UBR3: variants seen among roughly 807,000 people sequenced by gnomAD.
The protein encoded by UBR3 is ubiquitin protein ligase E3 component n-recognin 3, also known as E3 ubiquitin-protein ligase UBR3.
In UBR3, 85 loss-of-function variants were observed where a neutral mutation model predicts 243.2. The ratio of observed to expected loss-of-function variants is 0.35; its 90% CI spans 0.29 to 0.42. UBR3 has a LOEUF of 0.42. UBR3 is among the 10% of genes least tolerant of loss of function. The pLI, the probability that UBR3 is intolerant of heterozygous loss-of-function variation, is 1.00. For missense variants in UBR3, 1,686 were observed against 2,300.8 expected, an observed-to-expected ratio of 0.73 and a Z score of 5.47; for synonymous variants, 748 against 799.8, an observed-to-expected ratio of 0.94 and a Z score of 1.09.
chr2:170,063,822 C>G (rs2091499782), intron 35 of UBR3, among the ~76,000 whole-genome samples: 1 of 152,142 alleles, frequency 6.6e-6, no homozygotes, highest in Non-Finnish European at 1.5e-5. Context: ...TGCTATGAAC[C>G]TAATATGTTG....
intron 31 of UBR3, among the ~76,000 whole-genome samples, chr2:170,035,310 G>A (rs925941384): frequency 6.6e-6 from 1 of 151,840 alleles, no homozygotes; most frequent in Non-Finnish European, 1.5e-5. Flanking sequence ...TTACATTTAG[G>A]TCTGTAATCC....
At chr2:169,852,598 T>G (rs1309495919) in intron 1 of UBR3, among the ~76,000 whole-genome samples, 3 of 151,930 alleles carry the variant, frequency 2.0e-5, no homozygotes. Context: ...ATCCCAGCAC[T>G]TTGGGAGGCC....
At chr2:169,851,331 C>A (rs2082649727) in intron 1 of UBR3, among the ~76,000 whole-genome samples, 1 of 152,098 alleles carries the variant, frequency 6.6e-6, no homozygotes, top group African/African-American at 2.4e-5. Context: ...TACCATGTTG[C>A]CTAGATTGGT....
At chr2:169,895,376 CT>C (rs146041733) in intron 7 of UBR3, 65 bp downstream of exon 7, 2 of 1,459,716 alleles carry the variant, frequency 1.4e-6, no homozygotes, top group Middle Eastern at 1.8e-4. Flanking sequence ...ATTATTAAAT[CT>C]TTTTTTGATA....
At chr2:170,026,354 AATTT>A (rs931788369) in intron 30 of UBR3, among the ~76,000 whole-genome samples, 4 of 152,060 alleles carry the variant, frequency 2.6e-5, no homozygotes, top group African/African-American at 9.7e-5. Context: ...ATAAATATTA[AATTT>A]ATTTCATATT....
chr2:170,050,024 A>G (rs1377013275), intron 32 of UBR3, among the ~76,000 whole-genome samples: 3 of 152,308 alleles, frequency 2.0e-5, no homozygotes, highest in Non-Finnish European at 4.4e-5. Flanking sequence ...GAATGTTGGC[A>G]GTTTATTGGA....
At chr2:169,890,565 G>GTGTATATATATA (rs1559064208) in intron 5 of UBR3, among the ~76,000 whole-genome samples, 23 of 71,166 alleles carry the variant, frequency 3.2e-4, no homozygotes, top group Non-Finnish European at 4.1e-4. Flanking sequence ...ATATATATAT[G>GTGTATATATATA]TGTATATATA....
intron 8 of UBR3, among the ~76,000 whole-genome samples, chr2:169,897,359 A>G (rs546790154): frequency 6.6e-6 from 1 of 152,238 alleles, no homozygotes; most frequent in South Asian, 2.1e-4. Flanking sequence ...TCAACCTGCC[A>G]TAATGTTTCT....
At chr2:169,990,724 CA>C (rs2089235531) in intron 25 of UBR3, among the ~76,000 whole-genome samples, 1 of 129,570 alleles carries the variant, frequency 7.7e-6, no homozygotes, top group South Asian at 2.4e-4. Flanking sequence ...TATACACACA[CA>C]CACACACACA....
chr2:170,075,071 A>T (rs995346429), intron 36 of UBR3, among the ~76,000 whole-genome samples: 1 of 152,212 alleles, frequency 6.6e-6, no homozygotes, highest in Non-Finnish European at 1.5e-5. Context: ...GTGTCAGACT[A>T]GGTTTCATTT....
In UBR3 at chr2:169,946,412, T is replaced by A; in HGVS notation, c.2910+20T>A. The A allele has an allele frequency of 1.4e-6, 2 of 1,408,052 alleles. No homozygotes were observed. The highest frequency in any genetic ancestry group is 1.5e-5 in the South Asian group (1 of 67,350). 87.2% of individuals were successfully genotyped at this position (1,408,052 alleles called of 1,614,324 possible). A position where few individuals can be genotyped will look rare whatever the true frequency, so the allele number is the denominator to read the frequency against. ...GAAGAGGTAAGTAGTTTTTATAATT[T>A]AAAATTTTTAGATAGGCAGCCCCTA... On this transcript the variant is annotated intron_variant, in intron 21 of 38. Coordinates refer to ENST00000272793, the MANE Select transcript of UBR3 (RefSeq NM_172070.4).
At chr2:169,833,228 C>G (rs532273241) in intron 1 of UBR3, among the ~76,000 whole-genome samples, 12 of 152,278 alleles carry the variant, frequency 7.9e-5, no homozygotes, top group African/African-American at 2.9e-4. Flanking sequence ...CAAGGGTCAA[C>G]TGTAATGTCT....
In UBR3 at chr2:170,029,363, T is replaced by C. The variant is rs969703727; in HGVS notation, c.4471T>C (p.Leu1491=). ...TTTTTCAGATCAGCTGTTTCATGTA[T>C]TAGCCTTGCACATGCGGCTTTATAG... is the stretch of plus-strand genomic sequence containing the variant. The part of the protein sequence containing the change: ...RSCLNQLFHV[L]ALHMRLYSID... Residue 1491 remains leucine, a synonymous_variant, in exon 31 of 39, where the codon TTA becomes CTA. Coordinates refer to ENST00000272793, the MANE Select transcript of UBR3 (RefSeq NM_172070.4). 1.2e-6 allele frequency: 2 copies of C among 1,608,624 alleles called. No individual in the cohort carries two copies. Among genetic ancestry groups the C allele is most frequent in the African/African-American group, 2.7e-5 (2 of 74,596 alleles).
intron 1 of UBR3, among the ~76,000 whole-genome samples, chr2:169,854,170 A>G (rs2082759283): frequency 1.3e-5 from 2 of 152,216 alleles, no homozygotes; most frequent in South Asian, 4.1e-4. Context: ...CATGTATCCC[A>G]GAATTTAAAG....
chr2:170,011,775 A>G (rs1311580657), intron 29 of UBR3, among the ~76,000 whole-genome samples: 1 of 152,066 alleles, frequency 6.6e-6, no homozygotes, highest in Non-Finnish European at 1.5e-5. Context: ...AATTAATCAA[A>G]ATCATTACAT....
rs1311168441 is a variant in UBR3 at position 169,891,082 on chromosome 2, TTAATG to T, written c.1039-78_1039-74del. On this transcript the variant is annotated intron_variant, in intron 5 of 38. Coordinates refer to ENST00000272793, the MANE Select transcript of UBR3 (RefSeq NM_172070.4). ...ATGTAAGCATGCATATATTATGTGT[TTAATG>T]TAATTTGTAAGCACATTTATAAAGT... The T allele has an allele frequency of 1.3e-5, 13 of 1,025,484 alleles. No individual in the cohort carries two copies. The Middle Eastern group carries it at 6.9e-4, about 55-fold the overall frequency. The allele number at this position is 1,025,484 out of a possible 1,614,324, so 63.5% of individuals were successfully genotyped here.
intron 1 of UBR3, among the ~76,000 whole-genome samples, chr2:169,865,388 C>G (rs1020211697): frequency 6.6e-6 from 1 of 152,154 alleles, no homozygotes; most frequent in Non-Finnish European, 1.5e-5. Flanking sequence ...ATTACATCCA[C>G]TTTGGACAGT....
At chr2:169,939,044 C>A (rs2086461500) in intron 19 of UBR3, among the ~76,000 whole-genome samples, 1 of 151,394 alleles carries the variant, frequency 6.6e-6, no homozygotes, top group Non-Finnish European at 1.5e-5. Flanking sequence ...TCTAAGAAAT[C>A]TTTATTTTAC....
chr2:170,024,883 G>A lies in UBR3; in HGVS notation c.4454-4463G>A, dbSNP rs141299131. ...AAATAGAATTTATCCCAGGTGAGTT[G>A]TCGCATGGGAACCAGCATGGGAAGA... On this transcript the variant is annotated intron_variant, in intron 30 of 38. Coordinates refer to ENST00000272793, the MANE Select transcript of UBR3 (RefSeq NM_172070.4). Among the ~76,000 whole-genome samples, 30 of 152,272 alleles carry A rather than the reference G, an allele frequency of 2.0e-4. 1 individual carries two copies. The highest frequency in any genetic ancestry group is 6.8e-3 in the Middle Eastern group (2 of 294).
Sources: gnomAD v4.1 joint callset for allele counts (sites outside exome capture counted in the v4.1 genomes callset) on GRCh38, gnomAD v4.1.1 for gene constraint, MANE v1.5 for transcripts, NCBI Gene and HGNC (gene_info 2026-07-23, HGNC 2026-07-21) for gene names.